CAPN6: variants seen among roughly 807,000 people sequenced by gnomAD.
CAPN6 encodes calpain-6.
Under a neutral mutation model 46.0 loss-of-function variants are expected in CAPN6, and 16 were observed. That is an observed-to-expected ratio of 0.35 (90% CI 0.24 to 0.53). CAPN6 has a LOEUF of 0.53. Among genes scored for constraint, CAPN6 ranks in the 20% least tolerant of loss-of-function variants. The pLI, the probability that CAPN6 is intolerant of heterozygous loss-of-function variation, is 0.94. For synonymous variants in CAPN6, 206 were observed against 172.8 expected, an observed-to-expected ratio of 1.19 and a Z score of -1.51; for missense variants, 461 against 498.0, an observed-to-expected ratio of 0.93 and a Z score of 0.71.
intron 1 of CAPN6, among the ~76,000 whole-genome samples, chrX:111,267,307 TGTG>T (rs199765110): frequency 0.14 from 15,888 of 110,368 alleles, 2,273 homozygotes; most frequent in African/African-American, 0.44. Flanking sequence ...TGAGGCAGAG[TGTG>T]GTGGGGCTTA....
intron 1 of CAPN6, among the ~76,000 whole-genome samples, chrX:111,266,773 G>T (rs909200935): frequency 8.9e-6 from 1 of 112,524 alleles, no homozygotes; most frequent in African/African-American, 3.2e-5. Flanking sequence ...ACACCACACT[G>T]CTTCTTTTGG....
rs1221777853 is a variant in CAPN6, at chrX:111,251,712, T to C, written c.730A>G (p.Thr244Ala). The C allele has an allele frequency of 7.5e-6, 9 of 1,206,217 alleles. No individual in the cohort carries two copies. The highest frequency in any genetic ancestry group is 5.3e-5 in the African/African-American group (3 of 56,887). The stretch of plus-strand genomic sequence containing the variant: ...TGGCCCTTCAGCAGACCCCAATCAG[T>C]TTCAACTTCTTGCTCCTCCTGATTG... ...SPNQEEQEVE[T>A]DWGLLKGHTY... Residue 244 changes from threonine to alanine, a missense_variant, in exon 6 of 13, where the codon ACT (threonine) becomes GCT (alanine). Physicochemically the swap from Thr to Ala is moderately conservative, Grantham distance 58. Transcript: ENST00000324068.
chrX:111,255,124 C>T (rs2094982764), intron 2 of CAPN6, among the ~76,000 whole-genome samples: 2 of 111,851 alleles, frequency 1.8e-5, no homozygotes, highest in Admixed American at 1.9e-4. Context: ...GTATCTTCCC[C>T]CCAACATATT....
At chrX:111,254,689 A>T (rs1476020899) in intron 2 of CAPN6, among the ~76,000 whole-genome samples, 1 of 111,236 alleles carries the variant, frequency 9.0e-6, no homozygotes, top group Non-Finnish European at 1.9e-5. Context: ...CATAGCTATC[A>T]TTGGGGTTTG....
In CAPN6 at chrX:111,247,975, A is replaced by G; in HGVS notation, c.1502T>C (p.Met501Thr). ...CAGGTTCCAGCAGGACATTTTGGGC[A>G]TGTCCAGAGTCAGTTCCCTAGAACA... ...PVQLRELTLD[M>T]PKMSCWNLAR... is the part of the protein sequence containing the mutation. Residue 501 changes from methionine (M) to threonine (T), a missense_variant, in exon 11 of 13, where the codon ATG (methionine) becomes ACG (threonine). Physicochemically the swap from Met to Thr is moderately conservative, Grantham distance 81. Coordinates refer to ENST00000324068, the MANE Select transcript of CAPN6 (RefSeq NM_014289.4). The G allele has an allele frequency of 1.7e-6, 2 of 1,210,607 alleles. No individual in the cohort carries two copies. The highest frequency in any genetic ancestry group is 2.2e-6 in the Non-Finnish European group (2 of 894,387).
In CAPN6 at chrX:111,247,925, T is replaced by A. The variant is rs2094975865; in HGVS notation, c.1552A>T (p.Thr518Ser). 1 of 1,208,885 alleles carries A rather than the reference T, an allele frequency of 8.3e-7. No individual in the cohort carries two copies. The highest frequency in any genetic ancestry group is 1.7e-5 in the African/African-American group (1 of 57,243). Residue 518 changes from threonine (T) to serine (S), a missense_variant, in exon 11 of 13, where the codon ACT (threonine) becomes TCT (serine). Transcript: ENST00000324068. ...TCAGCACTGTGAACAGTGATCTGAG[T>A]AACTACTTTCGGGTAGCCACGAGCC... ...NLARGYPKVV[T>S]QITVHSAEDL...
At chrX:111,256,891 T>G (rs1032558434) in intron 2 of CAPN6, among the ~76,000 whole-genome samples, 1 of 104,345 alleles carries the variant, frequency 9.6e-6, no homozygotes, top group Non-Finnish European at 2.0e-5. Flanking sequence ...ACTGGCCCAT[T>G]CTCCAGTTAT....
At chrX:111,254,214 G>A in intron 3 of CAPN6, 58 bp downstream of exon 3, 3 of 1,102,533 alleles carry the variant, frequency 2.7e-6, no homozygotes, top group Non-Finnish European at 3.6e-6. Context: ...TTTTCCTAAA[G>A]TTATTAAAGA....
intron 1 of CAPN6, among the ~76,000 whole-genome samples, chrX:111,264,811 G>A (rs1284056952): frequency 9.0e-6 from 1 of 110,983 alleles, no homozygotes; most frequent in Non-Finnish European, 1.9e-5. Flanking sequence ...ACACTCAAGT[G>A]CTCTTAACAA....
At chrX:111,256,950 C>T (rs1319829781) in intron 2 of CAPN6, among the ~76,000 whole-genome samples, 1 of 108,315 alleles carries the variant, frequency 9.2e-6, no homozygotes, top group Non-Finnish European at 1.9e-5. Flanking sequence ...AGATTTAAAA[C>T]ATGACAAGTT....
chrX:111,262,040 C>T (rs1219713024), intron 2 of CAPN6, among the ~76,000 whole-genome samples: 1 of 111,347 alleles, frequency 9.0e-6, no homozygotes, highest in Non-Finnish European at 1.9e-5. Flanking sequence ...TATCACCATC[C>T]ATTCATAAGA....
chrX:111,249,830 A>AGAAGGAAGGAAGGAAGGAAG (rs3062792), intron 8 of CAPN6, among the ~76,000 whole-genome samples: 1 of 93,259 alleles, frequency 1.1e-5, no homozygotes, highest in Non-Finnish European at 2.1e-5. Context: ...AATGAAGGAA[A>AGAAGGAAGGAAGGAAGGAAG]GAAGGAAGGA....
At chrX:111,266,903 G>C (rs776155032) in intron 1 of CAPN6, among the ~76,000 whole-genome samples, 1 of 112,798 alleles carries the variant, frequency 8.9e-6, no homozygotes, top group Admixed American at 9.3e-5. Context: ...ACATTGAAAA[G>C]GTTCTTTATT....
chrX:111,252,238 C>T, intron 5 of CAPN6, 69 bp downstream of exon 5: 1 of 897,480 alleles, frequency 1.1e-6, no homozygotes, highest in Non-Finnish European at 1.5e-6. Flanking sequence ...GGGCGAATTT[C>T]CCTACCAAAC....
At chrX:111,252,119 T>C (rs765491334) in intron 5 of CAPN6, among the ~76,000 whole-genome samples, 188 bp downstream of exon 5, 2 of 112,079 alleles carry the variant, frequency 1.8e-5, no homozygotes, top group East Asian at 2.8e-4. Flanking sequence ...GTGGAATGAC[T>C]GGTACAAAAG....
chrX:111,254,266 T>C lies in CAPN6; in HGVS notation c.297+6A>G, dbSNP rs761869494. On this transcript the variant is annotated splice_donor_region_variant and intron_variant, in intron 3 of 12. Coordinates refer to ENST00000324068, the MANE Select transcript of CAPN6 (RefSeq NM_014289.4). ...ACTGAATGAGGTCCCACAGGAGGGA[T>C]AATACCTTTGTCCAATGAGACTCCT... 2.5e-6 allele frequency: 3 copies of C among 1,202,364 alleles called. No individual in the cohort carries two copies. The African/African-American group carries it at 5.3e-5, about 21-fold the overall frequency.
chrX:111,260,732 G>GT (rs1176140551), intron 2 of CAPN6, among the ~76,000 whole-genome samples: 1 of 112,160 alleles, frequency 8.9e-6, no homozygotes, highest in East Asian at 2.8e-4. Flanking sequence ...CCAGAACCTT[G>GT]TTTTTTTCTC....
intron 1 of CAPN6, among the ~76,000 whole-genome samples, chrX:111,265,440 G>A (rs975788563): frequency 5.4e-5 from 6 of 111,935 alleles, no homozygotes; most frequent in African/African-American, 1.9e-4. Context: ...GAGAGCTGTG[G>A]GGACACTGCA....
Position 111,246,441 on chromosome X carries a change from A to T in CAPN6, c.*136T>A. 1.8e-6 allele frequency: 1 copy of T among 548,610 alleles called. No homozygotes were observed. 45.2% of individuals were successfully genotyped at this position (548,610 alleles called of 1,213,427 possible). On this transcript the variant is annotated 3_prime_UTR_variant, in exon 13 of 13. Coordinates refer to ENST00000324068, the MANE Select transcript of CAPN6 (RefSeq NM_014289.4). ...CTACTTGGATTGGGAGGTATGGGGA[A>T]TTTATCAGAAGAGAGGAAGAGTTAA...
Sources: allele counts gnomAD v4.1 joint callset (sites outside exome capture counted in the v4.1 genomes callset), GRCh38; gene constraint gnomAD v4.1.1; transcripts MANE v1.5; gene names NCBI Gene and HGNC (gene_info 2026-07-23, HGNC 2026-07-21).